The following ITGA4 variants were observed in gnomAD, a reference collection of about 807,000 sequenced individuals.
ITGA4 encodes the protein integrin alpha-4.
A neutral mutation model predicts 133.6 loss-of-function variants in ITGA4; 63 were observed. The ratio of observed to expected loss-of-function variants is 0.47; its 90% CI spans 0.38 to 0.58. The LOEUF (loss-of-function observed/expected upper bound fraction) is 0.58, where lower values mean the gene tolerates loss of function less well. Ranked by LOEUF, ITGA4 falls within the 20% of genes least tolerant of loss-of-function variation. The pLI is 0.00. For missense variants in ITGA4, 1,076 were observed against 1,252.7 expected (o/e 0.86, Z 2.13); for synonymous variants, 483 against 438.0 (o/e 1.10, Z -1.28).
At chr2:181,458,136 A>T (rs547921338) in intron 1 of ITGA4, 60 bp from the exon 2 acceptor site, 2 of 1,607,860 alleles carry the variant, frequency 1.2e-6, no homozygotes, top group African/African-American at 1.3e-5. Context: ...CTGTGGCGAC[A>T]GGGAGCTCAG....
At position 181,495,350 on chromosome 2, in the gene ITGA4, GTGT is replaced by G; in HGVS notation, c.1340-16_1340-14del. On this transcript the variant is annotated intron_variant, in intron 12 of 27. Transcript: ENST00000397033. This position sits in a 1 kb window ranked among gnomAD's most constrained non-coding sequence, Gnocchi z 4.3. Reference sequence around the variant, plus strand: ...TTTGACTAATGATGATCATTAATCTGTGTTGTTTTTTATCCTCCAGATGTAGCA... The same window carrying G: ...TTTGACTAATGATGATCATTAATCTGTGTTTTTTATCCTCCAGATGTAGCA... The G allele has an allele frequency of 6.3e-7, 1 of 1,590,454 alleles. No homozygotes were observed. The highest frequency in any genetic ancestry group is 8.6e-7 in the Non-Finnish European group (1 of 1,158,814).
intron 25 of ITGA4, among the ~76,000 whole-genome samples, chr2:181,532,549 T>G (rs1315307003): frequency 6.6e-6 from 1 of 152,206 alleles, no homozygotes; most frequent in East Asian, 1.9e-4. Context: ...GGCTCTCTGC[T>G]TGTCTATTAT....
chr2:181,499,127 T>A (rs1032739707), intron 15 of ITGA4, among the ~76,000 whole-genome samples: 1 of 152,136 alleles, frequency 6.6e-6, no homozygotes, highest in Admixed American at 6.5e-5. Context: ...CGTGGTACGT[T>A]TTTTGGGGTG....
chr2:181,531,755 C>A lies in ITGA4; in HGVS notation c.2763C>A (p.Gly921=), dbSNP rs1374905911. 1 of 1,597,140 alleles carries A rather than the reference C, an allele frequency of 6.3e-7. No homozygotes were observed. The highest frequency in any genetic ancestry group is 1.2e-5 in the South Asian group (1 of 86,892). Residue 921 remains glycine, a synonymous_variant, in exon 25 of 28, where the codon GGC becomes GGA. Transcript: ENST00000397033. ...CCAGTGTTCATATCCAACTGGAAGG[C>A]CGGCCATCCATTTTAGAAATGGTAA... is the stretch of plus-strand genomic sequence containing the variant. ...KEASVHIQLE[G]RPSILEMDET... is the part of the protein sequence containing the mutation.
Position 181,495,744 on chromosome 2 carries a change from A to G in ITGA4, c.1386-39A>G, listed in dbSNP as rs1243316780. ...GCATTTCTCTCCTTAAGGAAAAATA[A>G]TTCTGCAATTAACATTGCTACTTTT... On this transcript the variant is annotated intron_variant, in intron 13 of 27. Transcript: ENST00000397033. This position sits in a 1 kb window ranked among gnomAD's most constrained non-coding sequence, Gnocchi z 4.3. 6.3e-7 allele frequency: 1 copy of G among 1,574,914 alleles called. No individual in the cohort carries two copies. The highest frequency in any genetic ancestry group is 1.4e-5 in the African/African-American group (1 of 73,362).
intron 25 of ITGA4, 53 bp from the exon 26 acceptor site, chr2:181,534,219 T>G: frequency 1.9e-6 from 2 of 1,079,156 alleles, no homozygotes; most frequent in South Asian, 2.6e-5. Flanking sequence ...TCCTGATAAA[T>G]TATGTCTTTA....
intron 1 of ITGA4, 148 bp downstream of exon 1, chr2:181,457,999 A>G (rs1003504662): frequency 1.2e-5 from 14 of 1,126,264 alleles, no homozygotes; most frequent in East Asian, 2.6e-5. Flanking sequence ...GAAATCTGCC[A>G]GGGAAACTAA....
At position 181,498,735 on chromosome 2, in the gene ITGA4, C is replaced by T; in HGVS notation, c.1653C>T (p.Ser551=). ...TGATTACAGGAAGCATACAGGTGTC[C>T]AGCAGAGAAGCTAACTGTAGAACAC... ...SDVITGSIQV[S]SREANCRTHQ... is the part of the protein sequence containing the mutation. The change falls in exon 15 of 28, where the codon TCC becomes TCT. Residue 551 remains serine (S), a synonymous_variant. Coordinates refer to ENST00000397033, the MANE Select transcript of ITGA4 (RefSeq NM_000885.6). 1 of 1,611,224 alleles carries T rather than the reference C, an allele frequency of 6.2e-7. No individual in the cohort carries two copies. The highest frequency in any genetic ancestry group is 8.5e-7 in the Non-Finnish European group (1 of 1,178,476).
chr2:181,525,422 C>A (rs577897053), intron 21 of ITGA4, 131 bp downstream of exon 21: 3 of 566,084 alleles, frequency 5.3e-6, no homozygotes, highest in Non-Finnish European at 9.4e-6. Context: ...TTAATAATTA[C>A]CTCATTGTTA....
Position 181,537,200 on chromosome 2 carries a change from G to T in ITGA4, c.*1673G>T, listed in dbSNP as rs1687171433. 1 of 453,896 alleles carries T rather than the reference G, an allele frequency of 2.2e-6. No homozygotes were observed. Among genetic ancestry groups the T allele is most frequent in the Non-Finnish European group, 4.4e-6 (1 of 226,696 alleles). The allele number at this position is 453,896 out of a possible 1,614,324, so 28.1% of individuals were successfully genotyped here. A position where few individuals can be genotyped will look rare whatever the true frequency, so the allele number is the denominator to read the frequency against. On this transcript the variant is annotated 3_prime_UTR_variant, in exon 28 of 28. Coordinates refer to ENST00000397033, the MANE Select transcript of ITGA4 (RefSeq NM_000885.6). Reference sequence around the variant, plus strand: ...TCTAGGATCATAGATGAAAAATCAAGCCCCGATTTAGAACTGTCTTCTCCA... The same window carrying T: ...TCTAGGATCATAGATGAAAAATCAATCCCCGATTTAGAACTGTCTTCTCCA...
intron 15 of ITGA4, among the ~76,000 whole-genome samples, chr2:181,502,354 T>C (rs7607993): frequency 0.98 from 148,902 of 152,206 alleles, 72,934 homozygotes; most frequent in Middle Eastern, 1. Flanking sequence ...GAAGAGTTTT[T>C]TGGGGTTTTG....
Position 181,516,059 on chromosome 2 carries a change from C to T in ITGA4, c.1922+4284C>T, listed in dbSNP as rs1574407251. On this transcript the variant is annotated intron_variant, in intron 17 of 27. Coordinates refer to ENST00000397033, the MANE Select transcript of ITGA4 (RefSeq NM_000885.6). The surrounding 1 kb of genome is among the most constrained non-coding windows in gnomAD (Gnocchi z 4.0). ...ATGTCTAAATGCTTAGGACAATAAA[C>T]TGCATTTATAAAGGACTTGCAGTGC... Among the ~76,000 whole-genome samples, 1 of 152,034 alleles carries T rather than the reference C, an allele frequency of 6.6e-6. No homozygotes were observed. The highest frequency in any genetic ancestry group is 6.6e-5 in the Admixed American group (1 of 15,242).
chr2:181,507,080 GA>G (rs1392264136), intron 15 of ITGA4, among the ~76,000 whole-genome samples: 1 of 152,076 alleles, frequency 6.6e-6, no homozygotes, highest in East Asian at 1.9e-4. Flanking sequence ...ATGAAAAGTA[GA>G]GTCAAAAACT....
intron 21 of ITGA4, among the ~76,000 whole-genome samples, chr2:181,526,522 T>A (rs549037848): frequency 1.3e-5 from 2 of 152,160 alleles, no homozygotes; most frequent in Admixed American, 6.5e-5. Flanking sequence ...TAACAAAAAA[T>A]TTATCATACT....
At chr2:181,458,110 G>A in intron 1 of ITGA4, 86 bp from the exon 2 acceptor site, 3 of 1,577,498 alleles carry the variant, frequency 1.9e-6, no homozygotes, top group Non-Finnish European at 2.6e-6. Flanking sequence ...AAGCTGCCCT[G>A]CTGCGGACTG....
intron 10 of ITGA4, 68 bp downstream of exon 10, chr2:181,486,060 T>G: frequency 6.6e-7 from 1 of 1,515,394 alleles, no homozygotes; most frequent in Non-Finnish European, 8.8e-7. Context: ...AAAATATGAT[T>G]AAAGTTTTGT....
At chr2:181,497,208 C>T (rs1470131870) in intron 14 of ITGA4, among the ~76,000 whole-genome samples, 1 of 152,160 alleles carries the variant, frequency 6.6e-6, no homozygotes, top group Non-Finnish European at 1.5e-5. Flanking sequence ...TTACATAAAA[C>T]TAGTGTTTCC....
intron 2 of ITGA4, among the ~76,000 whole-genome samples, chr2:181,468,409 T>C (rs150841111): frequency 1.3e-5 from 2 of 152,306 alleles, no homozygotes; most frequent in East Asian, 1.9e-4. Context: ...TTTGTGGTGA[T>C]ATAATGTATT....
intron 2 of ITGA4, among the ~76,000 whole-genome samples, chr2:181,460,994 T>A (rs553716831): frequency 1.2e-4 from 18 of 151,786 alleles, no homozygotes; most frequent in African/African-American, 3.9e-4. Context: ...AGGTGTAGGG[T>A]CTTCAAATGG....
Sources: allele counts gnomAD v4.1 joint callset (sites outside exome capture counted in the v4.1 genomes callset), GRCh38; gene constraint gnomAD v4.1.1; non-coding constraint Gnocchi (gnomAD v3.1); transcripts MANE v1.5; gene names NCBI Gene and HGNC (gene_info 2026-07-23, HGNC 2026-07-21).